The following JAK3 variants were observed in gnomAD, a reference collection of about 807,000 sequenced individuals.
JAK3 encodes Janus kinase 3, also known as tyrosine-protein kinase JAK3.
JAK3 carries 88 observed loss-of-function variants against 120.8 expected under a neutral mutation model. The observed-to-expected ratio is 0.73, with a 90% CI of 0.61 to 0.87. JAK3 has a LOEUF of 0.87. Among genes scored for constraint, JAK3 ranks in the 40% least tolerant of loss-of-function variants. The probability of loss-of-function intolerance (pLI) is 0.00; values close to 1 mark genes in which losing one functional copy is unlikely to be tolerated. For missense variants in JAK3, 1,254 were observed against 1,501.4 expected (o/e 0.84, Z 2.72); for synonymous variants, 592 against 628.6 (o/e 0.94, Z 0.87).
At position 17,842,664 on chromosome 19, in the gene JAK3, C is replaced by T. The variant is rs962460656; in HGVS notation, c.567-54G>A. The T allele has an allele frequency of 6.1e-6, 9 of 1,475,812 alleles. No individual in the cohort carries two copies. The South Asian group carries it at 6.7e-5, about 11-fold the overall frequency. 91.4% of individuals were successfully genotyped at this position (1,475,812 alleles called of 1,614,324 possible). ...CCCTCAGCGTCGGGAGGGGTCCCCG[C>T]GGGGACACACACAAACCCAGGCTTT... On this transcript the variant is annotated intron_variant, in intron 5 of 23. Transcript: ENST00000458235. The surrounding 1 kb of genome is among the most constrained non-coding windows in gnomAD (Gnocchi z 6.4).
In JAK3 at chr19:17,842,965, C is replaced by T. The variant is rs896400201; in HGVS notation, c.566+62G>A. 1 of 1,597,668 alleles carries T rather than the reference C, an allele frequency of 6.3e-7. No homozygotes were observed. Among genetic ancestry groups the T allele is most frequent in the South Asian group, 1.1e-5 (1 of 90,840 alleles). On this transcript the variant is annotated intron_variant, in intron 5 of 23. Transcript: ENST00000458235. This position sits in a 1 kb window ranked among gnomAD's most constrained non-coding sequence, Gnocchi z 6.4. ...CCATGGTGGGAGCCCGGCAAAGCCC[C>T]GATGGAGCCCACGTTGCTCACTCCC... is the stretch of plus-strand genomic sequence containing the variant.
Position 17,825,410 on chromosome 19 carries a change from TG to T in JAK3, c.*1332del, listed in dbSNP as rs1170759513. Reference sequence around the variant, plus strand: ...GACAGAAAGGGTCCCATTGGACAGGTGGGAAAACTGAAGCCCTAGGACACTC... The same window carrying T: ...GACAGAAAGGGTCCCATTGGACAGGTGGAAAACTGAAGCCCTAGGACACTC... On this transcript the variant is annotated 3_prime_UTR_variant, in exon 24 of 24. Transcript: ENST00000458235. 9.1e-6 allele frequency: 2 copies of T among 219,542 alleles called. No homozygotes were observed. The highest frequency in any genetic ancestry group is 4.5e-5 in the African/African-American group (2 of 44,486). 13.6% of individuals were successfully genotyped at this position (219,542 alleles called of 1,614,324 possible).
chr19:17,832,966 C>T lies in JAK3; in HGVS notation c.2351-37G>A. 2.5e-6 allele frequency: 4 copies of T among 1,593,844 alleles called. No homozygotes were observed. Among genetic ancestry groups the T allele is most frequent in the Non-Finnish European group, 3.4e-6 (4 of 1,170,058 alleles). On this transcript the variant is annotated intron_variant, in intron 17 of 23. Transcript: ENST00000458235. This position sits in a 1 kb window ranked among gnomAD's most constrained non-coding sequence, Gnocchi z 4.7. Reference sequence around the variant, plus strand: ...GCATGGGCAGTGGTAAGCAGCGCCTCTCATCCTGGGCCCCACTCCTGAGTT... The same window carrying T: ...GCATGGGCAGTGGTAAGCAGCGCCTTTCATCCTGGGCCCCACTCCTGAGTT...
chr19:17,830,502 C>T lies in JAK3; in HGVS notation c.3096+1G>A, dbSNP rs2147674472. The T allele has an allele frequency of 6.2e-7, 1 of 1,611,638 alleles. No individual in the cohort carries two copies. Among genetic ancestry groups the T allele is most frequent in the Non-Finnish European group, 8.5e-7 (1 of 1,178,334 alleles). On this transcript the variant is annotated splice_donor_variant, in intron 22 of 23. Coordinates refer to ENST00000458235, the MANE Select transcript of JAK3 (RefSeq NM_000215.4). LOFTEE classifies it high-confidence loss of function. ...CTGGGGGCTCTGGGAAGCCGACTCACGGCCGAGGGGCTGCAGCTTTTGTCG... is the reference window on the plus strand; with the variant it reads ...CTGGGGGCTCTGGGAAGCCGACTCATGGCCGAGGGGCTGCAGCTTTTGTCG...
At position 17,831,669 on chromosome 19, in the gene JAK3, C is replaced by T. The variant is rs200731018; in HGVS notation, c.2805+5G>A. 1.9e-4 allele frequency: 305 copies of T among 1,605,470 alleles called. No homozygotes were observed. The South Asian group carries it at 2.9e-3, about 15-fold the overall frequency. The stretch of plus-strand genomic sequence containing the variant: ...CCCCACAAGTCCCGGGGCGCCCCCT[C>T]GCACCTTGCAGATCTGCGAGGAATA... On this transcript the variant is annotated splice_donor_5th_base_variant and intron_variant, in intron 20 of 23. Transcript: ENST00000458235. This position sits in a 1 kb window ranked among gnomAD's most constrained non-coding sequence, Gnocchi z 5.1.
intron 21 of JAK3, among the ~76,000 whole-genome samples, chr19:17,830,995 G>T (rs2094213231): frequency 6.7e-6 from 1 of 149,694 alleles, no homozygotes; most frequent in Non-Finnish European, 1.5e-5. Flanking sequence ...GGCGAGAGCT[G>T]AGAGAAGGGC....
chr19:17,842,505 C>T lies in JAK3; in HGVS notation c.672G>A (p.Val224=). The T allele has an allele frequency of 6.3e-7, 1 of 1,596,180 alleles. No homozygotes were observed. Among genetic ancestry groups the T allele is most frequent in the Non-Finnish European group, 8.5e-7 (1 of 1,172,118 alleles). ...AGTGCCGGTCTGCCTGGCAGGCGGCCACGCGGCGCAGGGCTCTGCGCACCG... is the reference window on the plus strand; with the variant it reads ...AGTGCCGGTCTGCCTGGCAGGCGGCTACGCGGCGCAGGGCTCTGCGCACCG... ...RRTVRRALRR[V]AACQADRHSL... Residue 224 remains valine, a synonymous_variant, in exon 6 of 24, where the codon GTG becomes GTA. Coordinates refer to ENST00000458235, the MANE Select transcript of JAK3 (RefSeq NM_000215.4). The surrounding 1 kb of genome is among the most constrained non-coding windows in gnomAD (Gnocchi z 6.4).
rs183431894 is a variant in JAK3, at chr19:17,825,436, C to G, written c.*1307G>C. 2.8e-5 allele frequency: 6 copies of G among 217,966 alleles called. No individual in the cohort carries two copies. The highest frequency in any genetic ancestry group is 1.7e-4 in the Admixed American group (3 of 17,162). 13.5% of individuals were successfully genotyped at this position (217,966 alleles called of 1,614,324 possible). ...GGGAAAACTGAAGCCCTAGGACACT[C>G]AGATACCATTAGGGTGGACTGGGAC... On this transcript the variant is annotated 3_prime_UTR_variant, in exon 24 of 24. Coordinates refer to ENST00000458235, the MANE Select transcript of JAK3 (RefSeq NM_000215.4).
rs1360562185 is a variant in JAK3, at chr19:17,843,617, G to A, written c.309-126C>T. ...AGAGCCCAGCTTGTACCTTTAACTT[G>A]CTGTGTGACCTTGGGCAAGTGACCC... On this transcript the variant is annotated intron_variant, in intron 3 of 23. Transcript: ENST00000458235. This position sits in a 1 kb window ranked among gnomAD's most constrained non-coding sequence, Gnocchi z 5.4. The A allele has an allele frequency of 7.5e-6, 9 of 1,192,752 alleles. 1 individual carries two copies. Among genetic ancestry groups the A allele is most frequent in the Admixed American group, 1.7e-5 (1 of 57,838 alleles). 73.9% of individuals were successfully genotyped at this position (1,192,752 alleles called of 1,614,324 possible). A position where few individuals can be genotyped will look rare whatever the true frequency, so the allele number is the denominator to read the frequency against.
At chr19:17,830,813 G>A (rs569763385) in intron 21 of JAK3, among the ~76,000 whole-genome samples, 193 bp from the exon 22 acceptor site, 21 of 144,150 alleles carry the variant, frequency 1.5e-4, no homozygotes, top group African/African-American at 5.0e-4. Flanking sequence ...AAGAGCTAAG[G>A]CTGTGGGGAG....
chr19:17,828,161 C>T (rs1181201794), intron 23 of JAK3, among the ~76,000 whole-genome samples: 1 of 152,046 alleles, frequency 6.6e-6, no homozygotes, highest in East Asian at 1.9e-4. Context: ...TCTTTGACCA[C>T]CCCCACCCCA....
At chr19:17,836,793 T>G in intron 13 of JAK3, 2 of 466,080 alleles carry the variant, frequency 4.3e-6, no homozygotes, top group Non-Finnish European at 8.0e-6. Context: ...CCTGTCACAT[T>G]CTAGGCTCTG....
chr19:17,838,784 C>T (rs1325206561), intron 10 of JAK3, among the ~76,000 whole-genome samples: 3 of 141,960 alleles, frequency 2.1e-5, no homozygotes, highest in Non-Finnish European at 4.5e-5. Flanking sequence ...GGTGTGATCT[C>T]GGCTCACTGC....
At chr19:17,833,500 A>C (rs922676953) in intron 17 of JAK3, among the ~76,000 whole-genome samples, 11 of 150,566 alleles carry the variant, frequency 7.3e-5, no homozygotes, top group African/African-American at 2.7e-4. Context: ...TTGAGCCAGT[A>C]ATTCAAGACC....
chr19:17,831,600 C>T lies in JAK3; in HGVS notation c.2805+74G>A, dbSNP rs2147676384. The T allele has an allele frequency of 2.6e-6, 4 of 1,552,362 alleles. No homozygotes were observed. Among genetic ancestry groups the T allele is most frequent in the South Asian group, 1.2e-5 (1 of 85,906 alleles). On this transcript the variant is annotated intron_variant, in intron 20 of 23. Coordinates refer to ENST00000458235, the MANE Select transcript of JAK3 (RefSeq NM_000215.4). This position sits in a 1 kb window ranked among gnomAD's most constrained non-coding sequence, Gnocchi z 5.1. ...CCCCAAACCACTCCTCAGCCTTCACCGCGACCTCCAAGCAGACCCCTGCCC... is the reference window on the plus strand; with the variant it reads ...CCCCAAACCACTCCTCAGCCTTCACTGCGACCTCCAAGCAGACCCCTGCCC...
Position 17,831,815 on chromosome 19 carries a change from C to T in JAK3, c.2681-17G>A, listed in dbSNP as rs1223630254. On this transcript the variant is annotated splice_polypyrimidine_tract_variant and intron_variant, in intron 19 of 23. Transcript: ENST00000458235. The surrounding 1 kb of genome is among the most constrained non-coding windows in gnomAD (Gnocchi z 5.1). ...TCTGGCGGCCTGGAGAAGGCAGGAT[C>T]TGTCACAGCAGGGCCCAGCCCTGCT... 8.7e-6 allele frequency: 14 copies of T among 1,612,486 alleles called. No individual in the cohort carries two copies. The Admixed American group carries it at 2.3e-4, about 27-fold the overall frequency.
chr19:17,842,946 TG>T lies in JAK3; in HGVS notation c.566+80del. 6.3e-7 allele frequency: 1 copy of T among 1,575,874 alleles called. No homozygotes were observed. Among genetic ancestry groups the T allele is most frequent in the Non-Finnish European group, 8.6e-7 (1 of 1,158,294 alleles). ...GAAAGCTTGCAGGAGAACTCCATGG[TG>T]GGAGCCCGGCAAAGCCCCGATGGAG... On this transcript the variant is annotated intron_variant, in intron 5 of 23. Transcript: ENST00000458235. The surrounding 1 kb of genome is among the most constrained non-coding windows in gnomAD (Gnocchi z 6.4).
chr19:17,840,019 G>T (rs980569485), intron 9 of JAK3, among the ~76,000 whole-genome samples: 2 of 152,180 alleles, frequency 1.3e-5, no homozygotes, highest in Non-Finnish European at 2.9e-5. Flanking sequence ...GATTACAGGC[G>T]TAAGCCACTG....
In JAK3 at chr19:17,825,291, G is replaced by A. The variant is rs972304989; in HGVS notation, c.*1452C>T. 4 of 228,810 alleles carry A rather than the reference G, an allele frequency of 1.7e-5. No homozygotes were observed. Among genetic ancestry groups the A allele is most frequent in the African/African-American group, 4.4e-5 (2 of 45,050 alleles). The allele number at this position is 228,810 out of a possible 1,614,324, so 14.2% of individuals were successfully genotyped here. A position where few individuals can be genotyped will look rare whatever the true frequency, so the allele number is the denominator to read the frequency against. On this transcript the variant is annotated 3_prime_UTR_variant, in exon 24 of 24. Transcript: ENST00000458235. The stretch of plus-strand genomic sequence containing the variant: ...TGAGCCTTCTCACGCTTGGCATGCT[G>A]TTCCCTCTGCCAGGAATGCCTTTCC...
Sources: gnomAD v4.1 joint callset for allele counts (sites outside exome capture counted in the v4.1 genomes callset) on GRCh38, gnomAD v4.1.1 for gene constraint, Gnocchi (gnomAD v3.1) non-coding constraint, MANE v1.5 for transcripts, NCBI Gene and HGNC (gene_info 2026-07-23, HGNC 2026-07-21) for gene names.